STXBP4: variants seen among roughly 807,000 people sequenced by gnomAD.
STXBP4 encodes the protein syntaxin binding protein 4, also known as syntaxin-binding protein 4.
STXBP4 carries 55 observed loss-of-function variants against 76.1 expected under a neutral mutation model. The ratio of observed to expected loss-of-function variants is 0.72; its 90% confidence interval spans 0.58 to 0.91. The LOEUF (loss-of-function observed/expected upper bound fraction) is 0.91, where lower values mean the gene tolerates loss of function less well. Ranked by LOEUF, STXBP4 falls within the 40% of genes least tolerant of loss-of-function variation. The probability of loss-of-function intolerance (pLI) is 0.00; values close to 1 mark genes in which losing one functional copy is unlikely to be tolerated. For missense variants in STXBP4, 618 were observed against 636.9 expected (o/e 0.97, Z 0.32); for synonymous variants, 201 against 220.2 (o/e 0.91, Z 0.77).
the STXBP4 span, among the ~76,000 whole-genome samples, chr17:55,209,344 T>C: frequency 1.3e-5 from 2 of 151,986 alleles, no homozygotes; most frequent in African/African-American, 2.4e-5. Flanking sequence ...CTGTTGAGGA[T>C]TGTGCTAGAA....
intron 16 of STXBP4, among the ~76,000 whole-genome samples, chr17:55,109,349 G>C (rs2079680894): frequency 6.6e-6 from 1 of 152,030 alleles, no homozygotes; most frequent in Admixed American, 6.6e-5. Context: ...TTCAAAAAAT[G>C]TCAAGTATTC....
downstream of STXBP4, among the ~76,000 whole-genome samples, chr17:55,174,102 A>C (rs950818094): frequency 2.0e-5 from 3 of 152,240 alleles, no homozygotes; most frequent in Admixed American, 6.5e-5. Flanking sequence ...CACCATGATA[A>C]AATTCAGGAT....
chr17:55,156,404 C>G (rs1422497009), intron 17 of STXBP4, among the ~76,000 whole-genome samples: 1 of 152,194 alleles, frequency 6.6e-6, no homozygotes, highest in East Asian at 1.9e-4. Context: ...ACAGTGCTCA[C>G]TAGGACATAA....
the STXBP4 span, among the ~76,000 whole-genome samples, chr17:55,182,629 G>T: frequency 2.0e-5 from 3 of 151,646 alleles, no homozygotes; most frequent in Non-Finnish European, 4.4e-5. Flanking sequence ...CCCCAAGTAG[G>T]ATAAATACAA....
At chr17:54,997,774 G>A (rs181913846) in intron 4 of STXBP4, among the ~76,000 whole-genome samples, 12 of 135,634 alleles carry the variant, frequency 8.8e-5, no homozygotes, top group Admixed American at 6.2e-4. Context: ...TTTTTTGAAA[G>A]ATGGGGTCTA....
At chr17:55,150,142 A>G (rs534909840) in intron 17 of STXBP4, among the ~76,000 whole-genome samples, 5 of 152,050 alleles carry the variant, frequency 3.3e-5, no homozygotes, top group Non-Finnish European at 7.4e-5. Flanking sequence ...CTTTTTGTCA[A>G]ACTCTTTCCC....
chr17:55,155,812 G>T (rs2080270944), intron 17 of STXBP4, among the ~76,000 whole-genome samples: 1 of 152,082 alleles, frequency 6.6e-6, no homozygotes, highest in African/African-American at 2.4e-5. Context: ...CATAAGGAGG[G>T]TAATTATAAT....
rs375435745 is a variant in STXBP4 at position 55,087,798 on chromosome 17, GTATTA to G, written c.1489+6620_1489+6624del. On this transcript the variant is annotated intron_variant, in intron 16 of 17. Transcript: ENST00000376352. The stretch of plus-strand genomic sequence containing the variant: ...AAGAATGTCATTGGTATTTTGATGG[GTATTA>G]TATTGAATGTGTAGATTGCTTTGGG... Among the ~76,000 whole-genome samples, 1,094 of 152,116 alleles carry G rather than the reference GTATTA, an allele frequency of 7.2e-3. 16 individuals are homozygous for G. The highest frequency in any genetic ancestry group is 0.025 in the African/African-American group (1,034 of 41,520).
intron 16 of STXBP4, among the ~76,000 whole-genome samples, chr17:55,097,831 A>T (rs536889061): frequency 6.6e-6 from 1 of 152,298 alleles, no homozygotes; most frequent in African/African-American, 2.4e-5. Context: ...ATGGCATAAT[A>T]GATTTGGCTT....
At chr17:55,155,304 T>G (rs2080264829) in intron 17 of STXBP4, among the ~76,000 whole-genome samples, 1 of 152,136 alleles carries the variant, frequency 6.6e-6, no homozygotes, top group Admixed American at 6.5e-5. Flanking sequence ...GTTCACCTTG[T>G]GTTCCTACCT....
At chr17:55,092,371 A>AT (rs1275222133) in intron 16 of STXBP4, among the ~76,000 whole-genome samples, 3 of 62,064 alleles carry the variant, frequency 4.8e-5, no homozygotes, top group East Asian at 1.9e-3. Context: ...TATTAACAGT[A>AT]AAAAAAGTCC....
intron 12 of STXBP4, among the ~76,000 whole-genome samples, chr17:55,055,189 C>G (rs958163920): frequency 2.6e-5 from 4 of 152,026 alleles, no homozygotes; most frequent in Admixed American, 2.6e-4. Context: ...AAGGGAAACA[C>G]GGAAAGATGA....
intron 10 of STXBP4, among the ~76,000 whole-genome samples, chr17:55,040,863 G>A (rs2078686373): frequency 6.6e-6 from 1 of 152,154 alleles, no homozygotes; most frequent in African/African-American, 2.4e-5. Context: ...GTCTGGAATT[G>A]TTGCTGTTAA....
chr17:55,118,525 C>T (rs1239147932), intron 16 of STXBP4, among the ~76,000 whole-genome samples: 1 of 151,874 alleles, frequency 6.6e-6, no homozygotes, highest in Non-Finnish European at 1.5e-5. Context: ...ATGTTATTGG[C>T]AAGTTGTCTA....
At chr17:55,018,553 A>G (rs1473639232) in intron 8 of STXBP4, among the ~76,000 whole-genome samples, 1 of 152,228 alleles carries the variant, frequency 6.6e-6, no homozygotes, top group Non-Finnish European at 1.5e-5. Flanking sequence ...CCGTGTGAAG[A>G]GACCACCAAA....
intron 7 of STXBP4, 29 bp downstream of exon 7, chr17:55,000,912 G>GT (rs1344813702): frequency 4.0e-5 from 57 of 1,421,096 alleles, no homozygotes; most frequent in African/African-American, 3.0e-4. Context: ...TCTATTTCCT[G>GT]TTTTTTATTT....
chr17:55,141,987 A>T (rs1251962647), intron 17 of STXBP4, among the ~76,000 whole-genome samples: 1 of 152,178 alleles, frequency 6.6e-6, no homozygotes, highest in Non-Finnish European at 1.5e-5. Flanking sequence ...TGAGGTATGT[A>T]TACCTTGTCA....
chr17:55,041,388 G>A (rs1332178576), intron 10 of STXBP4, among the ~76,000 whole-genome samples: 2 of 151,702 alleles, frequency 1.3e-5, no homozygotes, highest in Non-Finnish European at 2.9e-5. Context: ...GGCTAATTTT[G>A]TTTATTTTTT....
At chr17:55,056,102 T>C (rs1466756067) in intron 12 of STXBP4, among the ~76,000 whole-genome samples, 3 of 152,150 alleles carry the variant, frequency 2.0e-5, no homozygotes, top group South Asian at 2.1e-4. Context: ...CAATGTCCCT[T>C]AGAAATATAA....
Sources: gnomAD v4.1 joint callset for allele counts (sites outside exome capture counted in the v4.1 genomes callset) on GRCh38, gnomAD v4.1.1 for gene constraint, MANE v1.5 for transcripts, NCBI Gene and HGNC (gene_info 2026-07-23, HGNC 2026-07-21) for gene names.